Variants in AACS observed in about 807,000 individuals in gnomAD.
AACS encodes the protein acetoacetyl-CoA synthetase, also known as acetoacetate-CoA ligase.
AACS carries 69 observed loss-of-function variants against 83.1 expected under a neutral mutation model. The ratio of observed to expected loss-of-function variants is 0.83; its 90% CI spans 0.68 to 1.01. AACS has a LOEUF of 1.01. Among genes scored for constraint, AACS ranks in the 50% least tolerant of loss-of-function variants. AACS has a pLI of 0.00. For missense variants in AACS, 866 were observed against 882.2 expected (o/e 0.98, Z 0.23); for synonymous variants, 333 against 343.4 (o/e 0.97, Z 0.33).
intron 7 of AACS, 23 bp downstream of exon 7, chr12:125,103,104 A>G (rs1281481852): frequency 6.2e-7 from 1 of 1,607,612 alleles, no homozygotes; most frequent in Non-Finnish European, 8.5e-7. Context: ...ATTCTGACCC[A>G]CAGGTCCGTG....
chr12:125,093,472 C>T (rs923042521), intron 5 of AACS, among the ~76,000 whole-genome samples: 2 of 152,242 alleles, frequency 1.3e-5, no homozygotes, highest in Non-Finnish European at 2.9e-5. Context: ...CAGGATCTGC[C>T]CATCCTGGAA....
At chr12:125,104,042 T>TTAAG (rs1394223174) in intron 7 of AACS, among the ~76,000 whole-genome samples, 2 of 134,618 alleles carry the variant, frequency 1.5e-5, no homozygotes, top group African/African-American at 5.5e-5. Context: ...TGAATAGAGA[T>TTAAG]TAAGGAAATG....
rs1023645515 is a variant in AACS, at chr12:125,091,542, C to G, written c.570+19C>G. On this transcript the variant is annotated intron_variant, in intron 5 of 17. Coordinates refer to ENST00000316519, the MANE Select transcript of AACS (RefSeq NM_023928.5). ...TGTGAATGTGAGTCAGGGTCTGTGA[C>G]AGAGGGGGCACCCCTTGCCCTGTGA... 5 of 1,612,480 alleles carry G rather than the reference C, an allele frequency of 3.1e-6. No individual in the cohort carries two copies. The African/African-American group carries it at 5.3e-5, about 17-fold the overall frequency.
intron 5 of AACS, 45 bp from the exon 6 acceptor site, chr12:125,102,634 T>G (rs1485771287): frequency 1.7e-5 from 26 of 1,569,540 alleles, no homozygotes; most frequent in Non-Finnish European, 2.0e-5. Context: ...CTGCTGGTTT[T>G]TGCCTTTTGG....
rs1490698430 is a variant in AACS, at chr12:125,129,731, C to CT, written c.1549+272dup. Among the ~76,000 whole-genome samples, 1 of 152,224 alleles carries CT rather than the reference C, an allele frequency of 6.6e-6. No homozygotes were observed. Among genetic ancestry groups the CT allele is most frequent in the Non-Finnish European group, 1.5e-5 (1 of 68,030 alleles). On this transcript the variant is annotated intron_variant, in intron 14 of 17. Transcript: ENST00000316519. The surrounding 1 kb of genome is among the most constrained non-coding windows in gnomAD (Gnocchi z 4.3). The stretch of plus-strand genomic sequence containing the variant: ...AGCCTCTTGGCCCCAGCCCCTGCTG[C>CT]TGGGAGCTGGCACGAGCCTCTGGTT...
intron 2 of AACS, 129 bp from the exon 3 acceptor site, chr12:125,076,362 G>A (rs2136042425): frequency 7.9e-7 from 1 of 1,272,862 alleles, no homozygotes; most frequent in African/African-American, 1.5e-5. Flanking sequence ...AAATGCTCTG[G>A]GCCAATGAGT....
intron 16 of AACS, among the ~76,000 whole-genome samples, chr12:125,135,429 G>A (rs1957387992): frequency 6.6e-6 from 1 of 152,168 alleles, no homozygotes; most frequent in Admixed American, 6.5e-5. Context: ...GAAGAAACCA[G>A]AAGCACAGAG....
intron 2 of AACS, 80 bp from the exon 3 acceptor site, chr12:125,076,411 T>G (rs1956022389): frequency 6.4e-7 from 1 of 1,557,472 alleles, no homozygotes; most frequent in Non-Finnish European, 8.7e-7. Flanking sequence ...TTTTGCTGAT[T>G]TGTGACATAG....
At chr12:125,103,204 G>T in intron 7 of AACS, 123 bp downstream of exon 7, 1 of 783,326 alleles carries the variant, frequency 1.3e-6, no homozygotes. Context: ...GGAGGTTTTA[G>T]TTAAAAGCAT....
intron 5 of AACS, among the ~76,000 whole-genome samples, chr12:125,100,514 C>T (rs191381258): frequency 6.6e-6 from 1 of 152,352 alleles, no homozygotes; most frequent in Non-Finnish European, 1.5e-5. Context: ...GTGCCTGGCA[C>T]CTAGCACATG....
rs2136019482 is a variant in AACS at position 125,065,789 on chromosome 12, C to T, written c.133+72C>T. 5 of 1,416,578 alleles carry T rather than the reference C, an allele frequency of 3.5e-6. No individual in the cohort carries two copies. The South Asian group carries it at 7.8e-5, about 22-fold the overall frequency. The allele number at this position is 1,416,578 out of a possible 1,614,324, so 87.8% of individuals were successfully genotyped here. ...CGTGCAGGGTGGTTGGGTGGTCTCC[C>T]CATGGCTAGTTTCACGCTTCTGGGG... On this transcript the variant is annotated intron_variant, in intron 1 of 17. Transcript: ENST00000316519.
rs1175887033 is a variant in AACS at position 125,097,215 on chromosome 12, G to T, written c.571-5464G>T. ...TGGGGCTTTCTGCAACCACCTCTGT[G>T]TAGCAGTTTAGAGCAGAAGAAGAAG... On this transcript the variant is annotated intron_variant, in intron 5 of 17. Coordinates refer to ENST00000316519, the MANE Select transcript of AACS (RefSeq NM_023928.5). The surrounding 1 kb of genome is among the most constrained non-coding windows in gnomAD (Gnocchi z 4.3). Among the ~76,000 whole-genome samples the T allele has an allele frequency of 6.6e-6, 1 of 152,018 alleles. No homozygotes were observed. Among genetic ancestry groups the T allele is most frequent in the African/African-American group, 2.4e-5 (1 of 41,402 alleles).
chr12:125,124,950 C>T lies in AACS; in HGVS notation c.1235C>T (p.Ser412Phe). The change falls in exon 12 of 18, where the codon TCC becomes TTC. Residue 412 changes from serine to phenylalanine, a missense_variant. Transcript: ENST00000316519. ...CTCCACACGATCCTGTCCACTGGCT[C>T]CCCACTGAAAGCCCAGAGCTACGAG... ...QMLHTILSTG[S>F]PLKAQSYEYV... The T allele has an allele frequency of 6.2e-7, 1 of 1,614,200 alleles. No homozygotes were observed.
At chr12:125,066,109 CTGTT>C (rs749686876) in intron 1 of AACS, among the ~76,000 whole-genome samples, 19 of 152,312 alleles carry the variant, frequency 1.2e-4, no homozygotes, top group Non-Finnish European at 2.5e-4. Flanking sequence ...AGCTCTTCCT[CTGTT>C]TGTGGGGGTC....
intron 3 of AACS, among the ~76,000 whole-genome samples, chr12:125,084,560 C>T (rs1047116745): frequency 2.0e-5 from 3 of 148,934 alleles, no homozygotes; most frequent in Non-Finnish European, 1.5e-5. Context: ...TACACCACCA[C>T]GCCTGGCTAG....
At chr12:125,069,634 T>C (rs937232341) in intron 1 of AACS, among the ~76,000 whole-genome samples, 6 of 152,216 alleles carry the variant, frequency 3.9e-5, no homozygotes, top group Non-Finnish European at 7.3e-5. Flanking sequence ...ACATGCTGCA[T>C]GTACTAGCCC....
In AACS at chr12:125,142,939, G is replaced by A. The variant is rs1957524729; in HGVS notation, c.*710G>A. The A allele has an allele frequency of 6.6e-6, 1 of 152,282 alleles. No individual in the cohort carries two copies. The highest frequency in any genetic ancestry group is 1.5e-5 in the Non-Finnish European group (1 of 68,076). The allele number at this position is 152,282 out of a possible 1,614,324, so 9.4% of individuals were successfully genotyped here. ...ATGTGAATTAGGCATGTGAAGCAGT[G>A]GGTGTCCACCCGTGTCCCTCATGGG... On this transcript the variant is annotated 3_prime_UTR_variant, in exon 18 of 18. Coordinates refer to ENST00000316519, the MANE Select transcript of AACS (RefSeq NM_023928.5).
At chr12:125,075,134 C>T (rs2136039934) in intron 2 of AACS, among the ~76,000 whole-genome samples, 1 of 151,796 alleles carries the variant, frequency 6.6e-6, no homozygotes, top group Non-Finnish European at 1.5e-5. Context: ...GCCACCACGC[C>T]CAGCCAATTT....
Position 125,091,442 on chromosome 12 carries a change from T to G in AACS, c.489T>G (p.Ser163Arg). 6.2e-7 allele frequency: 1 copy of G among 1,614,220 alleles called. No individual in the cohort carries two copies. The highest frequency in any genetic ancestry group is 8.5e-7 in the Non-Finnish European group (1 of 1,180,030). Residue 163 changes from serine (S) to arginine (R), a missense_variant, in exon 5 of 18, where the codon AGT becomes AGG. Coordinates refer to ENST00000316519, the MANE Select transcript of AACS (RefSeq NM_023928.5). ...TCTCCACAGGTTATTTACCCAACAG[T>G]GAGCACGCTGTCGAGGCGATGCTGG... is the stretch of plus-strand genomic sequence containing the variant. ...GDRVVGYLPN[S>R]EHAVEAMLAA...
Sources: gnomAD v4.1 joint callset for allele counts (sites outside exome capture counted in the v4.1 genomes callset) on GRCh38, gnomAD v4.1.1 for gene constraint, Gnocchi (gnomAD v3.1) non-coding constraint, MANE v1.5 for transcripts, NCBI Gene and HGNC (gene_info 2026-07-23, HGNC 2026-07-21) for gene names.